Variants in GABRG3 observed in about 807,000 individuals in gnomAD.
GABRG3 encodes the protein gamma-aminobutyric acid type A receptor subunit gamma3.
In GABRG3, 25 loss-of-function variants were observed where a neutral mutation model predicts 48.8. The ratio of observed to expected loss-of-function variants is 0.51; its 90% CI spans 0.37 to 0.72. The LOEUF (loss-of-function observed/expected upper bound fraction) is 0.72. GABRG3 is among the 30% of genes least tolerant of loss of function. GABRG3 has a pLI of 0.00. For missense variants in GABRG3, 394 were observed against 577.9 expected, an observed-to-expected ratio of 0.68 and a Z score of 3.26; for synonymous variants, 227 against 217.6, an observed-to-expected ratio of 1.04 and a Z score of -0.38.
chr15:27,144,343 G>A (rs1038751644), intron 3 of GABRG3, among the ~76,000 whole-genome samples: 2 of 152,172 alleles, frequency 1.3e-5, no homozygotes, highest in African/African-American at 4.8e-5. Flanking sequence ...GGAAGAGGCA[G>A]CATGGGTTTG....
Position 27,352,767 on chromosome 15 carries a change from G to A in GABRG3, c.574+23879G>A, listed in dbSNP as rs1894668210. Among the ~76,000 whole-genome samples, 1 of 152,128 alleles carries A rather than the reference G, an allele frequency of 6.6e-6. No homozygotes were observed. Among genetic ancestry groups the A allele is most frequent in the Non-Finnish European group, 1.5e-5 (1 of 68,022 alleles). ...CCCATATGCCACGTTTCACGCAGATGCATGGGGTGATATAGCGCAAGGTGG... is the reference window on the plus strand; with the variant it reads ...CCCATATGCCACGTTTCACGCAGATACATGGGGTGATATAGCGCAAGGTGG... On this transcript the variant is annotated intron_variant, in intron 5 of 9. Coordinates refer to ENST00000615808, the MANE Select transcript of GABRG3 (RefSeq NM_033223.5). The surrounding 1 kb of genome is among the most constrained non-coding windows in gnomAD (Gnocchi z 4.0).
At chr15:27,328,344 C>G (rs945475110) in intron 4 of GABRG3, among the ~76,000 whole-genome samples, 1 of 152,152 alleles carries the variant, frequency 6.6e-6, no homozygotes, top group African/African-American at 2.4e-5. Flanking sequence ...GGATGCAGGG[C>G]CCCCATTTGG....
intron 3 of GABRG3, among the ~76,000 whole-genome samples, chr15:27,214,099 A>G (rs1595589941): frequency 6.6e-6 from 1 of 152,208 alleles, no homozygotes; most frequent in Non-Finnish European, 1.5e-5. Flanking sequence ...AATCTGGAGA[A>G]GTCACCTCAC....
chr15:27,383,009 C>T (rs1566815294), intron 5 of GABRG3, among the ~76,000 whole-genome samples: 1 of 152,140 alleles, frequency 6.6e-6, no homozygotes, highest in East Asian at 1.9e-4. Flanking sequence ...TAGACTTTTA[C>T]AGCCTTGAAC....
At chr15:27,049,063 CAG>C (rs1329691183) in intron 3 of GABRG3, among the ~76,000 whole-genome samples, 16 of 152,238 alleles carry the variant, frequency 1.1e-4, no homozygotes, top group African/African-American at 3.9e-4. Context: ...TTTGCAAGCT[CAG>C]AGATTCCCAG....
chr15:27,039,030 A>T (rs921344849), intron 3 of GABRG3, among the ~76,000 whole-genome samples: 5 of 152,188 alleles, frequency 3.3e-5, no homozygotes, highest in Admixed American at 6.5e-5. Flanking sequence ...TCCAGTGAAG[A>T]GCTGGGTTGG....
intron 5 of GABRG3, chr15:27,362,774 C>T (rs1030921530): frequency 2.6e-5 from 4 of 152,108 alleles, no homozygotes; most frequent in African/African-American, 9.7e-5. Context: ...GGCTTCTAAC[C>T]GTCTAGGGCT....
intron 6 of GABRG3, among the ~76,000 whole-genome samples, chr15:27,485,793 A>T (rs2150847035): frequency 6.6e-6 from 1 of 152,320 alleles, no homozygotes. Context: ...TGTGAAAAGA[A>T]ACAGAATTTT....
chr15:27,024,141 C>A (rs1895945009), intron 2 of GABRG3, among the ~76,000 whole-genome samples: 3 of 151,996 alleles, frequency 2.0e-5, no homozygotes, highest in South Asian at 2.1e-4. Flanking sequence ...CGTTTTTTTG[C>A]CATTTAAATC....
At chr15:27,355,084 C>A (rs1389378192) in intron 5 of GABRG3, among the ~76,000 whole-genome samples, 1 of 152,154 alleles carries the variant, frequency 6.6e-6, no homozygotes, top group East Asian at 1.9e-4. Flanking sequence ...CCATTGCCGG[C>A]AGCTAAAGGC....
At chr15:27,405,564 G>C (rs1489417199) in intron 5 of GABRG3, among the ~76,000 whole-genome samples, 6 of 152,076 alleles carry the variant, frequency 3.9e-5, no homozygotes, top group Admixed American at 3.9e-4. Context: ...AAATATACAA[G>C]AAAAATTTCA....
chr15:27,491,817 G>C (rs1890362297), intron 6 of GABRG3, among the ~76,000 whole-genome samples: 2 of 152,208 alleles, frequency 1.3e-5, no homozygotes, highest in South Asian at 4.1e-4. Flanking sequence ...CGAGGACATT[G>C]AAAGTCACCT....
chr15:27,515,821 T>A (rs1436649372), intron 6 of GABRG3, among the ~76,000 whole-genome samples: 1 of 152,230 alleles, frequency 6.6e-6, no homozygotes, highest in African/African-American at 2.4e-5. Flanking sequence ...ATTGAAAATA[T>A]CTATATGAAC....
intron 3 of GABRG3, among the ~76,000 whole-genome samples, chr15:27,186,816 G>A (rs1004393382): frequency 6.6e-6 from 1 of 152,032 alleles, no homozygotes; most frequent in Non-Finnish European, 1.5e-5. Context: ...CTTAATCTTT[G>A]CCCATTTTTC....
chr15:27,069,148 C>T (rs968030157), intron 3 of GABRG3, among the ~76,000 whole-genome samples: 1 of 152,196 alleles, frequency 6.6e-6, no homozygotes, highest in Non-Finnish European at 1.5e-5. Flanking sequence ...GCAGGGGTGC[C>T]GTGTGCCCTT....
At chr15:27,341,058 A>G (rs1283369465) in intron 5 of GABRG3, 7 of 467,584 alleles carry the variant, frequency 1.5e-5, no homozygotes, top group Non-Finnish European at 3.0e-5. Context: ...AAGCTTCTTC[A>G]AACTACTGAA....
chr15:27,059,644 A>G (rs555131106), intron 3 of GABRG3, among the ~76,000 whole-genome samples: 1 of 152,356 alleles, frequency 6.6e-6, no homozygotes, highest in Non-Finnish European at 1.5e-5. Context: ...TTAGATGTCC[A>G]AGAGAGGAGA....
At chr15:27,444,581 A>C (rs1268025606) in intron 5 of GABRG3, among the ~76,000 whole-genome samples, 1 of 152,126 alleles carries the variant, frequency 6.6e-6, no homozygotes, top group African/African-American at 2.4e-5. Flanking sequence ...TCAAAGTTCA[A>C]TCTGATAATC....
chr15:26,980,098 G>T, intron 2 of GABRG3, among the ~76,000 whole-genome samples: 1 of 151,938 alleles, frequency 6.6e-6, no homozygotes, highest in African/African-American at 2.4e-5. Context: ...AAATTTATAT[G>T]TTTAGCATTG....
Sources: gnomAD v4.1 joint callset for allele counts (sites outside exome capture counted in the v4.1 genomes callset) on GRCh38, gnomAD v4.1.1 for gene constraint, Gnocchi (gnomAD v3.1) non-coding constraint, MANE v1.5 for transcripts, NCBI Gene and HGNC (gene_info 2026-07-23, HGNC 2026-07-21) for gene names.